The following ZMAT4 variants were observed in gnomAD, a reference collection of about 807,000 sequenced individuals.
ZMAT4 encodes the protein zinc finger matrin-type 4, also known as zinc finger matrin-type protein 4.
A neutral mutation model predicts 28.7 loss-of-function variants in ZMAT4; 17 were observed. That is an observed-to-expected ratio of 0.59 (90% CI 0.41 to 0.89). The LOEUF (loss-of-function observed/expected upper bound fraction) is 0.89. Among genes scored for constraint, ZMAT4 ranks in the 40% least tolerant of loss-of-function variants. ZMAT4 has a pLI of 0.00. For synonymous variants in ZMAT4, 117 were observed against 109.2 expected (o/e 1.07, Z -0.44); for missense variants, 240 against 283.8 (o/e 0.85, Z 1.11).
At chr8:40,572,246 A>G (rs1804122300) in intron 6 of ZMAT4, among the ~76,000 whole-genome samples, 1 of 152,160 alleles carries the variant, frequency 6.6e-6, no homozygotes, top group African/African-American at 2.4e-5. Flanking sequence ...ATGAGTCTGA[A>G]CATTCATTCA....
chr8:40,804,516 T>C (rs181255897), intron 2 of ZMAT4, among the ~76,000 whole-genome samples: 2 of 152,278 alleles, frequency 1.3e-5, no homozygotes, highest in East Asian at 3.9e-4. Context: ...TGACTGACTT[T>C]GGAGATTATT....
intron 6 of ZMAT4, among the ~76,000 whole-genome samples, chr8:40,535,683 T>G (rs1289780993): frequency 2.1e-5 from 3 of 143,668 alleles, no homozygotes; most frequent in Non-Finnish European, 4.6e-5. Context: ...AAAAAAAAAA[T>G]GACCAGATAT....
chr8:40,887,926 G>A (rs1029568960), intron 1 of ZMAT4, among the ~76,000 whole-genome samples: 4 of 152,058 alleles, frequency 2.6e-5, no homozygotes, highest in African/African-American at 4.8e-5. Context: ...CAAAGTTCAC[G>A]CCAGGTCTCA....
chr8:40,623,794 C>T (rs1193156431), intron 5 of ZMAT4, among the ~76,000 whole-genome samples: 1 of 152,226 alleles, frequency 6.6e-6, no homozygotes, highest in African/African-American at 2.4e-5. Flanking sequence ...AGGATCCCTT[C>T]CTTCTCCACA....
intron 1 of ZMAT4, among the ~76,000 whole-genome samples, chr8:40,872,166 A>G (rs1227940425): frequency 1.3e-5 from 2 of 152,144 alleles, no homozygotes; most frequent in Non-Finnish European, 2.9e-5. Flanking sequence ...CACTCCCATC[A>G]CATCCACCGT....
intron 1 of ZMAT4, among the ~76,000 whole-genome samples, chr8:40,883,368 G>A (rs780975402): frequency 4.3e-4 from 66 of 151,980 alleles, no homozygotes; most frequent in African/African-American, 4.4e-4. Flanking sequence ...GTTCCATTTC[G>A]TCATGGTTCA....
At chr8:40,562,082 C>G in intron 6 of ZMAT4, among the ~76,000 whole-genome samples, 1 of 152,200 alleles carries the variant, frequency 6.6e-6, no homozygotes, top group East Asian at 1.9e-4. Context: ...CGTCTTCTCC[C>G]TGGCTTTAAC....
chr8:40,735,032 C>T (rs1811703420), intron 3 of ZMAT4, among the ~76,000 whole-genome samples: 1 of 152,158 alleles, frequency 6.6e-6, no homozygotes, highest in Non-Finnish European at 1.5e-5. Context: ...TGGTGTGAGA[C>T]ACAGCTGACT....
intron 4 of ZMAT4, among the ~76,000 whole-genome samples, chr8:40,691,266 C>G (rs1048829917): frequency 5.9e-5 from 9 of 152,094 alleles, no homozygotes; most frequent in Non-Finnish European, 1.2e-4. Context: ...CTTATTTTCT[C>G]AGTAAGGTTC....
intron 4 of ZMAT4, among the ~76,000 whole-genome samples, chr8:40,692,177 T>A (rs1436971592): frequency 1.3e-5 from 2 of 152,306 alleles, no homozygotes; most frequent in East Asian, 1.9e-4. Flanking sequence ...CAGTAATAAC[T>A]GTGGTCCCTG....
chr8:40,694,324 T>A (rs1328570132), intron 4 of ZMAT4, among the ~76,000 whole-genome samples: 1 of 152,188 alleles, frequency 6.6e-6, no homozygotes, highest in African/African-American at 2.4e-5. Context: ...GTACTTGCAG[T>A]AACTTGAGAA....
At chr8:40,555,651 G>A (rs762521809) in intron 6 of ZMAT4, among the ~76,000 whole-genome samples, 62 of 152,220 alleles carry the variant, frequency 4.1e-4, no homozygotes, top group Non-Finnish European at 7.8e-4. Flanking sequence ...TAACTACAAT[G>A]TCAGAGTCCA....
Position 40,747,006 on chromosome 8 carries a change from G to A in ZMAT4, c.192+20635C>T, listed in dbSNP as rs140398148. The stretch of plus-strand genomic sequence containing the variant: ...CTCCCCACGTGCTCTCCCAGGGACC[G>A]TGACCCTTCATCCATAGCACTTATG... On this transcript the variant is annotated intron_variant, in intron 3 of 6. Coordinates refer to ENST00000297737, the MANE Select transcript of ZMAT4 (RefSeq NM_024645.3). 9.4e-3 allele frequency among the ~76,000 whole-genome samples: 1,437 copies of A among 152,236 alleles called. 11 individuals are homozygous for A. Among genetic ancestry groups the A allele is most frequent in the Middle Eastern group, 0.048 (14 of 294 alleles).
At chr8:40,640,626 G>GA (rs35181950) in intron 5 of ZMAT4, among the ~76,000 whole-genome samples, 83,563 of 151,546 alleles carry the variant, frequency 0.55, 24,005 homozygotes, top group East Asian at 0.69. Context: ...CCAGAAAAAA[G>GA]AAAAAAAGGT....
At chr8:40,690,890 A>G in intron 4 of ZMAT4, 1 of 984,730 alleles carries the variant, frequency 1.0e-6, no homozygotes, top group Non-Finnish European at 1.2e-6. Context: ...CTTACAATAC[A>G]TGCAATGAAT....
intron 5 of ZMAT4, among the ~76,000 whole-genome samples, chr8:40,643,266 C>A (rs569490362): frequency 9.9e-5 from 15 of 152,230 alleles, no homozygotes; most frequent in Non-Finnish European, 2.1e-4. Context: ...GGGAACTATG[C>A]CTAACTATGA....
At chr8:40,643,937 C>A (rs1807178536) in intron 5 of ZMAT4, among the ~76,000 whole-genome samples, 1 of 151,954 alleles carries the variant, frequency 6.6e-6, no homozygotes, top group South Asian at 2.1e-4. Context: ...AAATAGAAAC[C>A]AGAAACCAGA....
At chr8:40,649,158 G>C (rs1169946919) in intron 5 of ZMAT4, among the ~76,000 whole-genome samples, 1 of 152,060 alleles carries the variant, frequency 6.6e-6, no homozygotes, top group Non-Finnish European at 1.5e-5. Flanking sequence ...AGACCCATCA[G>C]TGTGCTGTAT....
chr8:40,807,138 C>CAAAAAA (rs34726845), intron 2 of ZMAT4, among the ~76,000 whole-genome samples: 3 of 90,246 alleles, frequency 3.3e-5, no homozygotes, highest in Non-Finnish European at 2.1e-5. Flanking sequence ...GGGGTGAGGA[C>CAAAAAA]AAAAAAAAAA....
Sources: allele counts gnomAD v4.1 joint callset (sites outside exome capture counted in the v4.1 genomes callset), GRCh38; gene constraint gnomAD v4.1.1; transcripts MANE v1.5; gene names NCBI Gene and HGNC (gene_info 2026-07-23, HGNC 2026-07-21).